The following TBX2 variants were observed in gnomAD, a reference collection of about 807,000 sequenced individuals.
TBX2 encodes T-box transcription factor 2, also known as T-box transcription factor TBX2.
TBX2 carries 19 observed loss-of-function variants against 48.4 expected under a neutral mutation model. That is an observed-to-expected ratio of 0.39 (90% CI 0.27 to 0.58). The LOEUF (loss-of-function observed/expected upper bound fraction) is 0.58, where lower values mean the gene tolerates loss of function less well. Ranked by LOEUF, TBX2 falls within the 20% of genes least tolerant of loss-of-function variation. TBX2 has a pLI of 0.54. For synonymous variants in TBX2, 522 were observed against 459.7 expected, an observed-to-expected ratio of 1.14 and a Z score of -1.73; for missense variants, 994 against 1,006.5, an observed-to-expected ratio of 0.99 and a Z score of 0.17.
Position 61,400,592 on chromosome 17 carries a change from G to A in TBX2, c.395+21G>A. 1 of 1,490,926 alleles carries A rather than the reference G, an allele frequency of 6.7e-7. No homozygotes were observed. Among genetic ancestry groups the A allele is most frequent in the South Asian group, 1.2e-5 (1 of 82,932 alleles). The allele number at this position is 1,490,926 out of a possible 1,614,324, so 92.4% of individuals were successfully genotyped here. A position where few individuals can be genotyped will look rare whatever the true frequency, so the allele number is the denominator to read the frequency against. On this transcript the variant is annotated intron_variant, in intron 1 of 6. Coordinates refer to ENST00000240328, the MANE Select transcript of TBX2 (RefSeq NM_005994.4). The surrounding 1 kb of genome is among the most constrained non-coding windows in gnomAD (Gnocchi z 9.2). ...GGGAGGTAGGGCTGCCGGCCGGCTG[G>A]AAGGCGCGCGGGCGGGCGGGCGGGC...
Position 61,400,426 on chromosome 17 carries a change from C to T in TBX2, c.250C>T (p.Pro84Ser). Residue 84 changes from proline (P) to serine (S), a missense_variant, in exon 1 of 7, where the codon CCG becomes TCG. Coordinates refer to ENST00000240328, the MANE Select transcript of TBX2 (RefSeq NM_005994.4). This position sits in a 1 kb window ranked among gnomAD's most constrained non-coding sequence, Gnocchi z 9.2. ...GCACGTCTCGGCACTGGGCCCGCACCCGCCCGCCGCGCATCTGCGCTCCCT... is the reference window on the plus strand; with the variant it reads ...GCACGTCTCGGCACTGGGCCCGCACTCGCCCGCCGCGCATCTGCGCTCCCT... ...GLHVSALGPH[P>S]PAAHLRSLKS... is the part of the protein sequence containing the mutation. 1 of 1,558,656 alleles carries T rather than the reference C, an allele frequency of 6.4e-7. No individual in the cohort carries two copies. The highest frequency in any genetic ancestry group is 8.7e-7 in the Non-Finnish European group (1 of 1,154,522).
chr17:61,405,551 C>T lies in TBX2; in HGVS notation c.1401C>T (p.Gly467=), dbSNP rs1384993950. The T allele has an allele frequency of 1.9e-6, 3 of 1,595,470 alleles. No individual in the cohort carries two copies. The highest frequency in any genetic ancestry group is 1.7e-4 in the Middle Eastern group (1 of 6,012). Residue 467 remains glycine (G), a synonymous_variant, in exon 6 of 7, where the codon GGC becomes GGT. Transcript: ENST00000240328. ...ASPLGAGHLP[G]LAFSSHLHGQ... is the part of the protein sequence containing the mutation. ...CCCTGGGCGCCGGACACCTGCCCGGCCTGGCCTTTTCCAGCCACTTGCACG... is the reference window on the plus strand; with the variant it reads ...CCCTGGGCGCCGGACACCTGCCCGGTCTGGCCTTTTCCAGCCACTTGCACG...
At position 61,403,172 on chromosome 17, in the gene TBX2, G is replaced by T; in HGVS notation, c.775G>T (p.Asp259Tyr). The T allele has an allele frequency of 6.8e-6, 11 of 1,613,508 alleles. No homozygotes were observed. The highest frequency in any genetic ancestry group is 9.3e-6 in the Non-Finnish European group (11 of 1,180,002). The change falls in exon 3 of 7, where the codon GAC (aspartate) becomes TAC (tyrosine). Residue 259 changes from aspartate (D) to tyrosine (Y), a missense_variant. Asp to Tyr is a radical substitution (Grantham distance 160). Around this residue, in one of 5 missense-constraint regions of TBX2, gnomAD observed 153 missense variants for 166.2 expected, o/e 0.92. Coordinates refer to ENST00000240328, the MANE Select transcript of TBX2 (RefSeq NM_005994.4). This position sits in a 1 kb window ranked among gnomAD's most constrained non-coding sequence, Gnocchi z 5.8. Reference protein sequence around the residue: ...TFRTYVFPETDFIAVTAYQND... With the variant: ...TFRTYVFPETYFIAVTAYQND... ...CCGCACCTACGTGTTCCCGGAGACC[G>T]ACTTCATCGCCGTCACTGCCTACCA...
rs574938177 is a variant in TBX2 at position 61,404,406 on chromosome 17, C to G, written c.811-15C>G. On this transcript the variant is annotated splice_polypyrimidine_tract_variant and intron_variant, in intron 3 of 6. Transcript: ENST00000240328. ...GCCACGGCCTGACTTAGCGCCGCCC[C>G]CTTGGTCCCCGCAGATCACACAGCT... 2 of 1,599,396 alleles carry G rather than the reference C, an allele frequency of 1.3e-6. No homozygotes were observed. Among genetic ancestry groups the G allele is most frequent in the African/African-American group, 2.7e-5 (2 of 74,716 alleles).
At chr17:61,407,668 C>T (rs1260866383) in intron 6 of TBX2, 1 of 195,486 alleles carries the variant, frequency 5.1e-6, no homozygotes, top group East Asian at 1.4e-4. Context: ...GGACACTGTT[C>T]TCAATGAGCA....
In TBX2 at chr17:61,404,405, C is replaced by G. The variant is rs1170979271; in HGVS notation, c.811-16C>G. The stretch of plus-strand genomic sequence containing the variant: ...AGCCACGGCCTGACTTAGCGCCGCC[C>G]CCTTGGTCCCCGCAGATCACACAGC... On this transcript the variant is annotated splice_polypyrimidine_tract_variant and intron_variant, in intron 3 of 6. Transcript: ENST00000240328. The G allele has an allele frequency of 3.1e-6, 5 of 1,597,932 alleles. No individual in the cohort carries two copies. Among genetic ancestry groups the G allele is most frequent in the East Asian group, 2.3e-5 (1 of 44,046 alleles).
At position 61,400,583 on chromosome 17, in the gene TBX2, G is replaced by A; in HGVS notation, c.395+12G>A. 6.5e-7 allele frequency: 1 copy of A among 1,543,118 alleles called. No individual in the cohort carries two copies. Among genetic ancestry groups the A allele is most frequent in the Non-Finnish European group, 8.7e-7 (1 of 1,143,086 alleles). On this transcript the variant is annotated intron_variant, in intron 1 of 6. Coordinates refer to ENST00000240328, the MANE Select transcript of TBX2 (RefSeq NM_005994.4). The surrounding 1 kb of genome is among the most constrained non-coding windows in gnomAD (Gnocchi z 9.2). ...ACCAAGTCCGGGAGGTAGGGCTGCC[G>A]GCCGGCTGGAAGGCGCGCGGGCGGG...
chr17:61,400,087 C>A lies in TBX2; in HGVS notation c.-90C>A. On this transcript the variant is annotated 5_prime_UTR_variant, in exon 1 of 7. Coordinates refer to ENST00000240328, the MANE Select transcript of TBX2 (RefSeq NM_005994.4). This position sits in a 1 kb window ranked among gnomAD's most constrained non-coding sequence, Gnocchi z 9.2. Reference sequence around the variant, plus strand: ...GCGCCCGCCACCCGGGTCGTCCGTCCACCGCGCGCGCCGCCGCCCGGGCCG... The same window carrying A: ...GCGCCCGCCACCCGGGTCGTCCGTCAACCGCGCGCGCCGCCGCCCGGGCCG... The A allele has an allele frequency of 1.4e-6, 1 of 695,226 alleles. No homozygotes were observed. Among genetic ancestry groups the A allele is most frequent in the East Asian group, 1.4e-4 (1 of 7,366 alleles). 43.1% of individuals were successfully genotyped at this position (695,226 alleles called of 1,614,324 possible). A position where few individuals can be genotyped will look rare whatever the true frequency, so the allele number is the denominator to read the frequency against.
Position 61,408,629 on chromosome 17 carries a change from C to A in TBX2, c.*123C>A. 1 of 984,234 alleles carries A rather than the reference C, an allele frequency of 1.0e-6. No homozygotes were observed. The highest frequency in any genetic ancestry group is 1.4e-6 in the Non-Finnish European group (1 of 732,630). The allele number at this position is 984,234 out of a possible 1,614,324, so 61.0% of individuals were successfully genotyped here. ...AAAGGAGAAAAGTGGGCTGCAGCAG[C>A]CGGAATAGAGCCTCGTCTGGCAAGT... is the stretch of plus-strand genomic sequence containing the variant. On this transcript the variant is annotated 3_prime_UTR_variant, in exon 7 of 7. Transcript: ENST00000240328.
chr17:61,403,863 C>A lies in TBX2; in HGVS notation c.811-558C>A, dbSNP rs888753902. ...CGAGTGAAAGAGAGGGTACGAGTGT[C>A]CGTGCCGGTCGTTGTGGCTTTGTGA... is the stretch of plus-strand genomic sequence containing the variant. On this transcript the variant is annotated intron_variant, in intron 3 of 6. Transcript: ENST00000240328. The surrounding 1 kb of genome is among the most constrained non-coding windows in gnomAD (Gnocchi z 5.8). Among the ~76,000 whole-genome samples the A allele has an allele frequency of 6.6e-6, 1 of 152,134 alleles. No homozygotes were observed. Among genetic ancestry groups the A allele is most frequent in the Non-Finnish European group, 1.5e-5 (1 of 68,022 alleles).
rs951567845 is a variant in TBX2, at chr17:61,400,764, T to A, written c.395+193T>A. On this transcript the variant is annotated intron_variant, in intron 1 of 6. Coordinates refer to ENST00000240328, the MANE Select transcript of TBX2 (RefSeq NM_005994.4). The surrounding 1 kb of genome is among the most constrained non-coding windows in gnomAD (Gnocchi z 9.2). ...GTTTGGCACCGGAGCGATTTTTTTT[T>A]AAAACAAAAACGCTAAAATCCTCCG... 1.5e-4 allele frequency among the ~76,000 whole-genome samples: 23 copies of A among 152,024 alleles called. No individual in the cohort carries two copies. The highest frequency in any genetic ancestry group is 2.1e-4 in the South Asian group (1 of 4,828).
chr17:61,407,704 C>T (rs1379611267), intron 6 of TBX2: 6 of 247,420 alleles, frequency 2.4e-5, no homozygotes, highest in Non-Finnish European at 4.6e-5. Flanking sequence ...CCAAAGCTGC[C>T]TGTTTGCCAC....
rs1181425598 is a variant in TBX2, at chr17:61,409,054, C to T, written c.*548C>T. On this transcript the variant is annotated 3_prime_UTR_variant, in exon 7 of 7. Coordinates refer to ENST00000240328, the MANE Select transcript of TBX2 (RefSeq NM_005994.4). ...GCCGTGGTCAACGGAGGGAGTGGCA[C>T]TTCTGCCTTGAGTCCCCAGGGGAAA... The T allele has an allele frequency of 1.3e-5, 2 of 149,688 alleles. No individual in the cohort carries two copies. Among genetic ancestry groups the T allele is most frequent in the African/African-American group, 5.0e-5 (2 of 40,052 alleles). 9.3% of individuals were successfully genotyped at this position (149,688 alleles called of 1,614,324 possible).
In TBX2 at chr17:61,404,600, C is replaced by T. The variant is rs1224806489; in HGVS notation, c.888-6C>T. The T allele has an allele frequency of 6.3e-7, 1 of 1,585,270 alleles. No individual in the cohort carries two copies. The highest frequency in any genetic ancestry group is 2.3e-5 in the East Asian group (1 of 44,312). The stretch of plus-strand genomic sequence containing the variant: ...CCGCTGACCTGGTTCATCCGCTCAT[C>T]CCCAGGAAGCAGCTGACGCTGCCGT... On this transcript the variant is annotated splice_polypyrimidine_tract_variant and splice_region_variant and intron_variant, in intron 4 of 6. Transcript: ENST00000240328.
At position 61,400,442 on chromosome 17, in the gene TBX2, T is replaced by A. The variant is rs1360887442; in HGVS notation, c.266T>A (p.Leu89Gln). 2.3e-5 allele frequency: 37 copies of A among 1,585,366 alleles called. No homozygotes were observed. The highest frequency in any genetic ancestry group is 3.1e-5 in the Non-Finnish European group (36 of 1,167,678). ...GGCCCGCACCCGCCCGCCGCGCATC[T>A]GCGCTCCCTCAAGAGCCTGGAGCCC... Reference protein sequence around the residue: ...ALGPHPPAAHLRSLKSLEPED... With the variant: ...ALGPHPPAAHQRSLKSLEPED... The change falls in exon 1 of 7, where the codon CTG (leucine) becomes CAG (glutamine). Residue 89 changes from leucine (L) to glutamine (Q), a missense_variant. By Grantham distance (113) the Leu-to-Gln change is moderately radical. Coordinates refer to ENST00000240328, the MANE Select transcript of TBX2 (RefSeq NM_005994.4). The surrounding 1 kb of genome is among the most constrained non-coding windows in gnomAD (Gnocchi z 9.2).
At position 61,404,609 on chromosome 17, in the gene TBX2, G is replaced by A. The variant is rs1286855375; in HGVS notation, c.891G>A (p.Lys297=). 2.5e-6 allele frequency: 4 copies of A among 1,583,228 alleles called. No homozygotes were observed. The highest frequency in any genetic ancestry group is 3.5e-5 in the Admixed American group (2 of 57,334). The change falls in exon 5 of 7, where the codon AAG becomes AAA. Residue 297 remains lysine (K), a synonymous_variant. Coordinates refer to ENST00000240328, the MANE Select transcript of TBX2 (RefSeq NM_005994.4). ...TGGTTCATCCGCTCATCCCCAGGAA[G>A]CAGCTGACGCTGCCGTCTCTACGCT... ...DTGNGRREKR[K]QLTLPSLRLY...
chr17:61,401,299 C>T (rs2060262980), intron 1 of TBX2, among the ~76,000 whole-genome samples: 1 of 152,214 alleles, frequency 6.6e-6, no homozygotes, highest in Non-Finnish European at 1.5e-5. Flanking sequence ...TTTCTGGGAG[C>T]TTCCGTCCCA....
Position 61,404,614 on chromosome 17 carries a change from T to C in TBX2, c.896T>C (p.Leu299Pro). 1 of 1,583,060 alleles carries C rather than the reference T, an allele frequency of 6.3e-7. No homozygotes were observed. Among genetic ancestry groups the C allele is most frequent in the Admixed American group, 1.7e-5 (1 of 57,262 alleles). Reference protein sequence around the residue: ...GNGRREKRKQLTLPSLRLYEE... With the variant: ...GNGRREKRKQPTLPSLRLYEE... ...CATCCGCTCATCCCCAGGAAGCAGC[T>C]GACGCTGCCGTCTCTACGCTTGTAC... The change falls in exon 5 of 7, where the codon CTG becomes CCG. Residue 299 changes from leucine to proline, a missense_variant. Physicochemically the swap from Leu to Pro is moderately conservative, Grantham distance 98. Coordinates refer to ENST00000240328, the MANE Select transcript of TBX2 (RefSeq NM_005994.4).
In TBX2 at chr17:61,408,650, C is replaced by T; in HGVS notation, c.*144C>T. ...GCAGCCGGAATAGAGCCTCGTCTGG[C>T]AAGTCGGGGCCTGGGACACTTCCCT... On this transcript the variant is annotated 3_prime_UTR_variant, in exon 7 of 7. Transcript: ENST00000240328. 2.6e-6 allele frequency: 2 copies of T among 763,032 alleles called. No individual in the cohort carries two copies. Among genetic ancestry groups the T allele is most frequent in the Non-Finnish European group, 3.7e-6 (2 of 534,204 alleles). The allele number at this position is 763,032 out of a possible 1,614,324, so 47.3% of individuals were successfully genotyped here. A position where few individuals can be genotyped will look rare whatever the true frequency, so the allele number is the denominator to read the frequency against.
Sources: gnomAD v4.1 joint callset for allele counts (sites outside exome capture counted in the v4.1 genomes callset) on GRCh38, gnomAD v4.1.1 for gene constraint, gnomAD v4.1.1 regional missense constraint, Gnocchi (gnomAD v3.1) non-coding constraint, MANE v1.5 for transcripts, NCBI Gene and HGNC (gene_info 2026-07-23, HGNC 2026-07-21) for gene names.